Variants in DTNB observed in about 807,000 individuals in gnomAD.
DTNB encodes the protein dystrobrevin beta.
In DTNB, 63 loss-of-function variants were observed where a neutral mutation model predicts 90.7. The observed-to-expected ratio is 0.69, with a 90% CI of 0.57 to 0.86. The LOEUF is 0.86. Ranked by LOEUF, DTNB falls within the 40% of genes least tolerant of loss-of-function variation. DTNB has a pLI of 0.00. For missense variants in DTNB, 744 were observed against 807.1 expected (o/e 0.92, Z 0.95); for synonymous variants, 277 against 286.7 (o/e 0.97, Z 0.34).
chr2:25,518,708 T>C (rs542098816), intron 9 of DTNB, among the ~76,000 whole-genome samples: 22 of 152,342 alleles, frequency 1.4e-4, no homozygotes, highest in African/African-American at 4.1e-4. Flanking sequence ...CTTTCTTTCC[T>C]TTTTGGAGAG....
intron 3 of DTNB, among the ~76,000 whole-genome samples, chr2:25,630,700 C>T (rs923624619): frequency 2.0e-5 from 3 of 151,782 alleles, no homozygotes; most frequent in African/African-American, 7.3e-5. Context: ...CAAAATTAGC[C>T]AGGTGTGGTG....
intron 10 of DTNB, among the ~76,000 whole-genome samples, chr2:25,480,238 G>A (rs2064654367): frequency 6.6e-6 from 1 of 152,154 alleles, no homozygotes; most frequent in Non-Finnish European, 1.5e-5. Flanking sequence ...AAGTAATTGT[G>A]CTTCTTAATC....
intron 12 of DTNB, among the ~76,000 whole-genome samples, chr2:25,434,956 T>A (rs2055212569): frequency 6.6e-6 from 1 of 152,226 alleles, no homozygotes; most frequent in Non-Finnish European, 1.5e-5. Flanking sequence ...CAATAGTAAA[T>A]TTTTTAAAAA....
intron 9 of DTNB, among the ~76,000 whole-genome samples, chr2:25,503,485 C>G (rs997906361): frequency 7.9e-5 from 12 of 152,024 alleles, no homozygotes; most frequent in Admixed American, 2.0e-4. Context: ...AGAGCAAGAC[C>G]CTGTCTCTAA....
At chr2:25,435,515 T>C (rs10865350) in intron 12 of DTNB, among the ~76,000 whole-genome samples, 133,734 of 152,290 alleles carry the variant, frequency 0.88, 59,090 homozygotes, top group Non-Finnish European at 0.92. Context: ...TGTCTATCTT[T>C]TTTCACTTAG....
At position 25,545,048 on chromosome 2, in the gene DTNB, C is replaced by T. The variant is rs559434564; in HGVS notation, c.877-13451G>A. Among the ~76,000 whole-genome samples the T allele has an allele frequency of 8.5e-5, 13 of 152,298 alleles. No homozygotes were observed. The East Asian group carries it at 2.5e-3, about 29-fold the overall frequency. ...CTTTATATCCTTTACTCACCTTTCA[C>T]ACTTTCCATCTCCTTTTATCTGTGT... On this transcript the variant is annotated intron_variant, in intron 8 of 20. Transcript: ENST00000406818.
At chr2:25,432,747 T>C in intron 14 of DTNB, 139 bp downstream of exon 14, 1 of 834,298 alleles carries the variant, frequency 1.2e-6, no homozygotes, top group Non-Finnish European at 1.9e-6. Context: ...AGCAACAGAA[T>C]GGGTGAACTC....
At chr2:25,524,139 G>A (rs1038139258) in intron 9 of DTNB, among the ~76,000 whole-genome samples, 8 of 151,882 alleles carry the variant, frequency 5.3e-5, no homozygotes, top group African/African-American at 1.9e-4. Flanking sequence ...GACCTCAGGT[G>A]ATCCGCCTGC....
chr2:25,535,658 C>G (rs1007090405), intron 8 of DTNB, among the ~76,000 whole-genome samples: 1 of 144,454 alleles, frequency 6.9e-6, no homozygotes, highest in African/African-American at 2.6e-5. Context: ...GGCGGCCGGG[C>G]AGAGGGGCTC....
At chr2:25,453,282 G>C (rs2059542367) in intron 11 of DTNB, among the ~76,000 whole-genome samples, 1 of 152,160 alleles carries the variant, frequency 6.6e-6, no homozygotes, top group Non-Finnish European at 1.5e-5. Context: ...AATTGGCTAT[G>C]TTTTCTAGCC....
At chr2:25,529,347 C>G (rs1253077964) in intron 9 of DTNB, among the ~76,000 whole-genome samples, 1 of 151,994 alleles carries the variant, frequency 6.6e-6, no homozygotes, top group Non-Finnish European at 1.5e-5. Context: ...TATTCTACAT[C>G]ACATCACACA....
At chr2:25,481,911 G>C (rs954164674) in intron 10 of DTNB, 6 of 152,304 alleles carry the variant, frequency 3.9e-5, no homozygotes, top group African/African-American at 1.4e-4. Flanking sequence ...TAGCCAATGG[G>C]AACAAACATC....
At chr2:25,555,199 G>GAGAATGAC (rs1228977837) in intron 8 of DTNB, among the ~76,000 whole-genome samples, 3 of 150,084 alleles carry the variant, frequency 2.0e-5, no homozygotes, top group Admixed American at 6.7e-5. Flanking sequence ...GCTGAGGCAG[G>GAGAATGAC]AGAATGACAT....
At chr2:25,549,853 G>A (rs1016051660) in intron 8 of DTNB, among the ~76,000 whole-genome samples, 1 of 151,862 alleles carries the variant, frequency 6.6e-6, no homozygotes, top group Non-Finnish European at 1.5e-5. Flanking sequence ...TAGAGATGGG[G>A]TTTCACCACA....
At chr2:25,583,728 C>T (rs1487537361) in intron 6 of DTNB, among the ~76,000 whole-genome samples, 1 of 151,942 alleles carries the variant, frequency 6.6e-6, no homozygotes, top group Non-Finnish European at 1.5e-5. Flanking sequence ...ACCATGTTGG[C>T]CAGGATGGTC....
chr2:25,503,019 A>G (rs924074735), intron 9 of DTNB, among the ~76,000 whole-genome samples: 1 of 123,924 alleles, frequency 8.1e-6, no homozygotes, highest in Non-Finnish European at 1.6e-5. Context: ...GTGCCTCTGC[A>G]TTCCAGCCAG....
chr2:25,419,491 C>T (rs979104049), intron 16 of DTNB, 24 bp downstream of exon 16: 11 of 1,557,576 alleles, frequency 7.1e-6, no homozygotes, highest in Admixed American at 5.8e-5. Context: ...GAGAGTCCGG[C>T]GGGAAATTCC....
At chr2:25,397,602 G>A (rs984966352) in intron 16 of DTNB, among the ~76,000 whole-genome samples, 5 of 152,050 alleles carry the variant, frequency 3.3e-5, no homozygotes, top group South Asian at 2.1e-4. Context: ...AAAATGGGCC[G>A]GGCCCGGTGG....
chr2:25,451,598 G>C lies in DTNB; in HGVS notation c.1207C>G (p.Arg403Gly). The C allele has an allele frequency of 1.2e-6, 2 of 1,607,312 alleles. No individual in the cohort carries two copies. Among genetic ancestry groups the C allele is most frequent in the Non-Finnish European group, 1.7e-6 (2 of 1,176,952 alleles). The part of the protein sequence containing the change: ...DSPSRLDEEH[R>G]LIARYAARLA... ...CGGGCAGCATAGCGAGCTATAAGACGGTGTTCCTCATCCAGTCGGCTAGGA... is the reference window on the plus strand; with the variant it reads ...CGGGCAGCATAGCGAGCTATAAGACCGTGTTCCTCATCCAGTCGGCTAGGA... The change falls in exon 12 of 21, where the codon CGT becomes GGT. Residue 403 changes from arginine to glycine, a missense_variant. Arg to Gly is a moderately radical substitution (Grantham distance 125). Transcript: ENST00000406818.
Sources: gnomAD v4.1 joint callset for allele counts (sites outside exome capture counted in the v4.1 genomes callset) on GRCh38, gnomAD v4.1.1 for gene constraint, MANE v1.5 for transcripts, NCBI Gene and HGNC (gene_info 2026-07-23, HGNC 2026-07-21) for gene names.